NR6A1: variants seen among roughly 807,000 people sequenced by gnomAD.
The protein encoded by NR6A1 is nuclear receptor subfamily 6 group A member 1.
A neutral mutation model predicts 59.1 loss-of-function variants in NR6A1; 7 were observed. The observed-to-expected ratio is 0.12, with a 90% CI of 0.07 to 0.22. NR6A1 has a LOEUF of 0.22. NR6A1 is among the 10% of genes least tolerant of loss of function. The pLI is 1.00. For missense variants in NR6A1, 468 were observed against 611.6 expected, an observed-to-expected ratio of 0.77 and a Z score of 2.48; for synonymous variants, 243 against 236.1, an observed-to-expected ratio of 1.03 and a Z score of -0.27.
intron 3 of NR6A1, among the ~76,000 whole-genome samples, chr9:124,546,253 C>G (rs1301695878): frequency 6.6e-6 from 1 of 152,160 alleles, no homozygotes; most frequent in Non-Finnish European, 1.5e-5. Flanking sequence ...TCCCATTGAA[C>G]AGATGGATCT....
At chr9:124,563,860 G>A (rs776438142) in intron 2 of NR6A1, among the ~76,000 whole-genome samples, 1 of 152,144 alleles carries the variant, frequency 6.6e-6, no homozygotes. Context: ...AGAATCATTT[G>A]AGGCCAGGAG....
At chr9:124,700,440 C>T (rs571548990) in intron 2 of NR6A1, among the ~76,000 whole-genome samples, 4 of 151,966 alleles carry the variant, frequency 2.6e-5, no homozygotes, top group South Asian at 4.2e-4. Flanking sequence ...AGGCTGGTCT[C>T]GAACTGCTGA....
intron 2 of NR6A1, among the ~76,000 whole-genome samples, chr9:124,718,078 T>C (rs1325271856): frequency 6.6e-6 from 1 of 152,250 alleles, no homozygotes; most frequent in Non-Finnish European, 1.5e-5. Context: ...GAATTACTAC[T>C]GTTTCAAAGA....
intron 2 of NR6A1, among the ~76,000 whole-genome samples, chr9:124,636,940 C>CA (rs539460380): frequency 3.8e-4 from 57 of 151,578 alleles, no homozygotes; most frequent in South Asian, 1.3e-3. Flanking sequence ...CACAGAATTA[C>CA]AAAAAAAACA....
intron 2 of NR6A1, among the ~76,000 whole-genome samples, chr9:124,709,440 G>A (rs1839214063): frequency 6.6e-6 from 1 of 152,174 alleles, no homozygotes; most frequent in Non-Finnish European, 1.5e-5. Flanking sequence ...TATGTGACAT[G>A]CCAGGGGAGG....
chr9:124,765,118 A>C (rs908555296), intron 1 of NR6A1, among the ~76,000 whole-genome samples: 11 of 152,348 alleles, frequency 7.2e-5, no homozygotes, highest in African/African-American at 2.6e-4. Flanking sequence ...GTTAATTCTT[A>C]ATGTAACGAA....
chr9:124,684,929 G>A (rs896752431), intron 2 of NR6A1, among the ~76,000 whole-genome samples: 1 of 152,042 alleles, frequency 6.6e-6, no homozygotes, highest in African/African-American at 2.4e-5. Flanking sequence ...TGACTCATCA[G>A]GCAGATTTTG....
intron 2 of NR6A1, among the ~76,000 whole-genome samples, chr9:124,685,386 A>C (rs913268555): frequency 1.3e-5 from 2 of 152,214 alleles, no homozygotes; most frequent in Non-Finnish European, 2.9e-5. Context: ...GTGCAGTTGC[A>C]CAAGCACGGC....
chr9:124,693,267 A>G (rs1272287990), intron 2 of NR6A1, among the ~76,000 whole-genome samples: 1 of 152,186 alleles, frequency 6.6e-6, no homozygotes, highest in South Asian at 2.1e-4. Flanking sequence ...TTGAGACTCA[A>G]TGAGATAATA....
chr9:124,547,483 T>C (rs1202592753), intron 3 of NR6A1, among the ~76,000 whole-genome samples: 1 of 152,216 alleles, frequency 6.6e-6, no homozygotes, highest in Non-Finnish European at 1.5e-5. Flanking sequence ...CTGTTTTACA[T>C]AGTTCTGTCT....
chr9:124,567,144 A>G (rs1169299832), intron 2 of NR6A1, among the ~76,000 whole-genome samples: 1 of 152,048 alleles, frequency 6.6e-6, no homozygotes, highest in Non-Finnish European at 1.5e-5. Flanking sequence ...AGAGAGGACA[A>G]CGGGCGAGTC....
At chr9:124,658,970 G>T (rs186271551) in intron 2 of NR6A1, among the ~76,000 whole-genome samples, 2 of 152,114 alleles carry the variant, frequency 1.3e-5, no homozygotes, top group African/African-American at 4.8e-5. Context: ...GGAACACAAA[G>T]GTTGCTTTCC....
intron 2 of NR6A1, among the ~76,000 whole-genome samples, chr9:124,687,400 A>T (rs981484920): frequency 6.6e-6 from 1 of 151,940 alleles, no homozygotes; most frequent in Non-Finnish European, 1.5e-5. Flanking sequence ...CTCAGCTCCC[A>T]AAGTGCTGGC....
At chr9:124,683,777 G>A (rs1290689705) in intron 2 of NR6A1, among the ~76,000 whole-genome samples, 3 of 152,198 alleles carry the variant, frequency 2.0e-5, no homozygotes. Flanking sequence ...TGGGCAACAA[G>A]AGTGAAACTC....
intron 1 of NR6A1, among the ~76,000 whole-genome samples, chr9:124,768,157 G>C (rs1840991161): frequency 1.3e-5 from 2 of 152,178 alleles, no homozygotes; most frequent in African/African-American, 4.8e-5. Flanking sequence ...GGTGTTTCCG[G>C]TAGGAAAACA....
chr9:124,721,352 C>T (rs1839557493), intron 2 of NR6A1, among the ~76,000 whole-genome samples: 1 of 152,160 alleles, frequency 6.6e-6, no homozygotes, highest in South Asian at 2.1e-4. Context: ...TCTCATACCA[C>T]CCCTACCCTG....
chr9:124,577,908 T>C (rs956236913), intron 2 of NR6A1, among the ~76,000 whole-genome samples: 33 of 152,368 alleles, frequency 2.2e-4, no homozygotes, highest in African/African-American at 7.5e-4. Flanking sequence ...ATGTAAATTC[T>C]ACGTGAACAG....
intron 3 of NR6A1, among the ~76,000 whole-genome samples, chr9:124,550,463 G>A (rs2131376919): frequency 6.7e-6 from 1 of 148,696 alleles, no homozygotes; most frequent in East Asian, 2.0e-4. Context: ...CGTCTCCCAG[G>A]TTTACCTTAG....
At chr9:124,657,665 G>A (rs1837299091) in intron 2 of NR6A1, among the ~76,000 whole-genome samples, 1 of 152,184 alleles carries the variant, frequency 6.6e-6, no homozygotes, top group African/African-American at 2.4e-5. Context: ...CAGACAGACT[G>A]AAGAGAGCAG....
Sources: allele counts gnomAD v4.1 joint callset (sites outside exome capture counted in the v4.1 genomes callset), GRCh38; gene constraint gnomAD v4.1.1; transcripts MANE v1.5; gene names NCBI Gene and HGNC (gene_info 2026-07-23, HGNC 2026-07-21).